FTCDNL1: variants seen among roughly 807,000 people sequenced by gnomAD.
FTCDNL1 encodes the protein formiminotransferase N-terminal subdomain-containing protein.
Under a neutral mutation model 5.9 loss-of-function variants are expected in FTCDNL1, and 11 were observed. The observed-to-expected ratio is 1.87, with a 90% confidence interval of 1.18 to 3.10. The LOEUF (loss-of-function observed/expected upper bound fraction) is 3.10. Ranked by LOEUF, FTCDNL1 falls within the 30% of genes most tolerant of loss-of-function variation. The pLI, the probability that FTCDNL1 is intolerant of heterozygous loss-of-function variation, is 0.00. For synonymous variants in FTCDNL1, 58 were observed against 24.8 expected (o/e 2.34, Z -3.99); for missense variants, 115 against 65.5 (o/e 1.76, Z -2.61).
chr2:199,669,885 AAT>A, the FTCDNL1 span, among the ~76,000 whole-genome samples: 1 of 152,168 alleles, frequency 6.6e-6, no homozygotes, highest in Non-Finnish European at 1.5e-5. Context: ...TTTATAATAA[AAT>A]ATAATTTTCG....
At chr2:199,820,625 A>C (rs1415996146) in intron 3 of FTCDNL1, among the ~76,000 whole-genome samples, 3 of 152,206 alleles carry the variant, frequency 2.0e-5, no homozygotes, top group African/African-American at 7.2e-5. Context: ...TACATAAGGA[A>C]GCCTAATATT....
At chr2:199,826,520 T>C (rs982904924) in intron 3 of FTCDNL1, among the ~76,000 whole-genome samples, 1 of 140,946 alleles carries the variant, frequency 7.1e-6, no homozygotes, top group Non-Finnish European at 1.5e-5. Context: ...ATAGGTTGGG[T>C]GCGGTGGCTT....
At position 199,797,051 on chromosome 2, in the gene FTCDNL1, T is replaced by C. The variant is rs542705072; in HGVS notation, c.212-36216A>G. ...AATCCCCTTTTATATGATCAAATAG[T>C]AGAAACACCACCATAATTACAGCAA... On this transcript the variant is annotated intron_variant, in intron 3 of 3. Transcript: ENST00000416668. Among the ~76,000 whole-genome samples, 7 of 152,208 alleles carry C rather than the reference T, an allele frequency of 4.6e-5. No homozygotes were observed. The South Asian group carries it at 8.3e-4, about 18-fold the overall frequency.
At chr2:199,784,336 G>A (rs1699527429) in intron 3 of FTCDNL1, among the ~76,000 whole-genome samples, 1 of 152,148 alleles carries the variant, frequency 6.6e-6, no homozygotes. Context: ...TTCCTCCTCA[G>A]CACCAGGTAA....
chr2:199,839,161 T>C (rs1168445438), intron 3 of FTCDNL1, among the ~76,000 whole-genome samples: 1 of 146,942 alleles, frequency 6.8e-6, no homozygotes, highest in Non-Finnish European at 1.5e-5. Context: ...GGAAAGCCTT[T>C]AAAAAAAAAA....
At chr2:199,738,880 AG>A in the FTCDNL1 span, among the ~76,000 whole-genome samples, 8 of 152,198 alleles carry the variant, frequency 5.3e-5, no homozygotes, top group Admixed American at 5.2e-4. Context: ...ACTCTTCCAA[AG>A]GAACTTTGTT....
At chr2:199,823,479 G>A (rs566976908) in intron 3 of FTCDNL1, among the ~76,000 whole-genome samples, 17 of 152,286 alleles carry the variant, frequency 1.1e-4, no homozygotes, top group African/African-American at 3.6e-4. Flanking sequence ...TAAATAATAA[G>A]ATGTGAAAGC....
intron 3 of FTCDNL1, among the ~76,000 whole-genome samples, chr2:199,763,967 G>C (rs997741545): frequency 6.6e-6 from 1 of 152,112 alleles, no homozygotes; most frequent in African/African-American, 2.4e-5. Context: ...TCAGCCACCT[G>C]AGTTGCTGGG....
chr2:199,755,951 T>C (rs1385968333), downstream of FTCDNL1, among the ~76,000 whole-genome samples: 1 of 152,236 alleles, frequency 6.6e-6, no homozygotes, highest in East Asian at 1.9e-4. Flanking sequence ...GGAAGTGACC[T>C]GACCACTTTA....
intron 3 of FTCDNL1, among the ~76,000 whole-genome samples, chr2:199,841,089 T>C (rs2076573486): frequency 6.6e-6 from 1 of 151,932 alleles, no homozygotes; most frequent in Non-Finnish European, 1.5e-5. Flanking sequence ...AGGCAGAGGT[T>C]GCAGTGAGCC....
intron 3 of FTCDNL1, among the ~76,000 whole-genome samples, chr2:199,782,408 T>C (rs1020009045): frequency 1.3e-5 from 2 of 152,250 alleles, no homozygotes; most frequent in East Asian, 1.9e-4. Flanking sequence ...AATCAAAATA[T>C]AGAACATTTC....
intron 3 of FTCDNL1, among the ~76,000 whole-genome samples, chr2:199,843,762 G>C (rs1460347074): frequency 6.6e-6 from 1 of 152,122 alleles, no homozygotes; most frequent in African/African-American, 2.4e-5. Context: ...TCTGCATCTT[G>C]TAATTAACCG....
At chr2:199,673,156 C>T in the FTCDNL1 span, among the ~76,000 whole-genome samples, 3 of 151,610 alleles carry the variant, frequency 2.0e-5, no homozygotes, top group African/African-American at 4.8e-5. Flanking sequence ...GGTGAAACCC[C>T]GTCTCTACTA....
At chr2:199,743,605 C>T in the FTCDNL1 span, among the ~76,000 whole-genome samples, 3 of 151,960 alleles carry the variant, frequency 2.0e-5, no homozygotes, top group Non-Finnish European at 4.4e-5. Context: ...AGGCTCTGGG[C>T]GTTTCTCCTG....
At chr2:199,669,184 A>G in the FTCDNL1 span, among the ~76,000 whole-genome samples, 1 of 152,074 alleles carries the variant, frequency 6.6e-6, no homozygotes, top group Non-Finnish European at 1.5e-5. Context: ...AAGAATGAAC[A>G]GAGCATTGTT....
chr2:199,760,561 A>G, exon 4 of FTCDNL1: 1 of 475,244 alleles, frequency 2.1e-6, no homozygotes, highest in Non-Finnish European at 3.8e-6. Context: ...AGAGTTAAAC[A>G]CTTTTTATTG....
the FTCDNL1 span, among the ~76,000 whole-genome samples, chr2:199,671,787 C>A: frequency 6.6e-6 from 1 of 152,030 alleles, no homozygotes; most frequent in Admixed American, 6.6e-5. Flanking sequence ...TCTGTCTCAC[C>A]CAGAGTACCT....
intron 3 of FTCDNL1, among the ~76,000 whole-genome samples, chr2:199,835,968 A>C (rs1043073278): frequency 6.6e-6 from 1 of 152,012 alleles, no homozygotes; most frequent in Non-Finnish European, 1.5e-5. Context: ...GTCTTAAGAG[A>C]CCTTTTACCT....
chr2:199,775,610 C>T (rs147107743), intron 3 of FTCDNL1, among the ~76,000 whole-genome samples: 3 of 152,322 alleles, frequency 2.0e-5, no homozygotes, highest in East Asian at 1.9e-4. Context: ...CAGATATCCA[C>T]GCTCATGTGC....
Sources: allele counts gnomAD v4.1 joint callset (sites outside exome capture counted in the v4.1 genomes callset), GRCh38; gene constraint gnomAD v4.1.1; transcripts MANE v1.5; gene names NCBI Gene and HGNC (gene_info 2026-07-23, HGNC 2026-07-21).